ATP8A2: variants seen among roughly 807,000 people sequenced by gnomAD.
ATP8A2 encodes the protein ATPase phospholipid transporting 8A2, also known as phospholipid-transporting ATPase IB.
A neutral mutation model predicts 165.6 loss-of-function variants in ATP8A2; 100 were observed. That is an observed-to-expected ratio of 0.60 (90% CI 0.51 to 0.71). The LOEUF (loss-of-function observed/expected upper bound fraction) is 0.71, where lower values mean the gene tolerates loss of function less well. ATP8A2 is among the 30% of genes least tolerant of loss of function. The probability of loss-of-function intolerance (pLI) is 0.00; values close to 1 mark genes in which losing one functional copy is unlikely to be tolerated. For missense variants in ATP8A2, 1,227 were observed against 1,479.5 expected (o/e 0.83, Z 2.80); for synonymous variants, 543 against 548.8 (o/e 0.99, Z 0.15).
chr13:25,862,389 C>T lies in ATP8A2; in HGVS notation c.3164C>T (p.Ala1055Val). The T allele has an allele frequency of 6.2e-7, 1 of 1,613,702 alleles. No homozygotes were observed. The highest frequency in any genetic ancestry group is 8.5e-7 in the Non-Finnish European group (1 of 1,179,648). ...ACCATCTGGCCCACCATTCCCATTGCTCCAGATATGAGAGGACAGGTAAGT... is the reference window on the plus strand; with the variant it reads ...ACCATCTGGCCCACCATTCCCATTGTTCCAGATATGAGAGGACAGGTAAGT... ...YSTIWPTIPIAPDMRGQATMV... is the reference protein window; with the variant it reads ...YSTIWPTIPIVPDMRGQATMV... The change falls in exon 33 of 37, where the codon GCT becomes GTT. Residue 1055 changes from alanine (A) to valine (V), a missense_variant. Ala to Val is a moderately conservative substitution (Grantham distance 64). Coordinates refer to ENST00000381655, the MANE Select transcript of ATP8A2 (RefSeq NM_016529.6).
At chr13:25,398,224 A>G (rs150621243) in intron 1 of ATP8A2, among the ~76,000 whole-genome samples, 6 of 152,300 alleles carry the variant, frequency 3.9e-5, no homozygotes, top group African/African-American at 1.4e-4. Context: ...GATTACCTTT[A>G]GAGCCTGTTA....
In ATP8A2 at chr13:26,025,116, C is replaced by CAAAAAAAA. The variant is rs71080217; in HGVS notation, c.*5145_*5152dup. 1.8e-3 allele frequency: 166 copies of CAAAAAAAA among 94,322 alleles called. No homozygotes were observed. The highest frequency in any genetic ancestry group is 2.3e-3 in the African/African-American group (56 of 24,444). 5.8% of individuals were successfully genotyped at this position (94,322 alleles called of 1,614,324 possible). ...GTGAATCAATAAACACCAACAACAA[C>CAAAAAAAA]AAAAAAAAAAAAAAAAAAAAAGGAA... On this transcript the variant is annotated 3_prime_UTR_variant, in exon 37 of 37. Transcript: ENST00000381655.
chr13:25,978,477 C>T lies in ATP8A2; in HGVS notation c.3377+9798C>T, dbSNP rs528690351. 3.9e-5 allele frequency among the ~76,000 whole-genome samples: 6 copies of T among 152,262 alleles called. No individual in the cohort carries two copies. The South Asian group carries it at 1.2e-3, about 32-fold the overall frequency. On this transcript the variant is annotated intron_variant, in intron 35 of 36. Transcript: ENST00000381655. Reference sequence around the variant, plus strand: ...AATTTAGATGTTATCTGGGAATAACCGGATTCTACTGTTCATTTCTCAATG... The same window carrying T: ...AATTTAGATGTTATCTGGGAATAACTGGATTCTACTGTTCATTTCTCAATG...
intron 24 of ATP8A2, among the ~76,000 whole-genome samples, chr13:25,630,856 C>T (rs558434670): frequency 4.6e-5 from 7 of 152,166 alleles, no homozygotes; most frequent in African/African-American, 1.7e-4. Context: ...TCCTTAGGGT[C>T]CGCTTTCTCA....
intron 24 of ATP8A2, among the ~76,000 whole-genome samples, chr13:25,610,615 T>C (rs1329414944): frequency 6.6e-6 from 1 of 152,164 alleles, no homozygotes; most frequent in Non-Finnish European, 1.5e-5. Flanking sequence ...TTTGGTTCCA[T>C]GTGAATTTTA....
intron 24 of ATP8A2, among the ~76,000 whole-genome samples, chr13:25,662,553 A>G (rs1219225175): frequency 6.6e-6 from 1 of 152,148 alleles, no homozygotes; most frequent in Non-Finnish European, 1.5e-5. Context: ...TATATTCTTG[A>G]AATCATCCTG....
At chr13:25,651,439 C>CA (rs201232779) in intron 24 of ATP8A2, among the ~76,000 whole-genome samples, 111 of 140,912 alleles carry the variant, frequency 7.9e-4, no homozygotes, top group Middle Eastern at 3.7e-3. Context: ...GAGACTGTTT[C>CA]AAAAAAAAAA....
At chr13:25,715,302 G>T (rs994033610) in intron 25 of ATP8A2, among the ~76,000 whole-genome samples, 2 of 152,198 alleles carry the variant, frequency 1.3e-5, no homozygotes, top group Non-Finnish European at 2.9e-5. Context: ...GCAAAGGAAT[G>T]ATGTGGTCAG....
chr13:25,973,844 A>G (rs1418984902), intron 35 of ATP8A2, among the ~76,000 whole-genome samples: 1 of 152,208 alleles, frequency 6.6e-6, no homozygotes, highest in African/African-American at 2.4e-5. Context: ...GTTTTTTCAC[A>G]GTACTGGCCG....
At chr13:25,920,513 C>T (rs923018103) in intron 33 of ATP8A2, among the ~76,000 whole-genome samples, 8 of 152,168 alleles carry the variant, frequency 5.3e-5, no homozygotes, top group Non-Finnish European at 1.2e-4. Context: ...GCTCCACCAT[C>T]CACCAGCTCA....
At chr13:25,491,249 G>A (rs2036520219) in intron 2 of ATP8A2, among the ~76,000 whole-genome samples, 1 of 152,058 alleles carries the variant, frequency 6.6e-6, no homozygotes, top group Non-Finnish European at 1.5e-5. Flanking sequence ...TCTGTCTCCA[G>A]TGCCCACAAC....
At chr13:25,690,748 A>T (rs1173825483) in intron 24 of ATP8A2, among the ~76,000 whole-genome samples, 1 of 152,198 alleles carries the variant, frequency 6.6e-6, no homozygotes, top group South Asian at 2.1e-4. Context: ...TGACTCAGGC[A>T]CTTTGGAAAA....
At chr13:25,647,267 T>C (rs2041697629) in intron 24 of ATP8A2, among the ~76,000 whole-genome samples, 2 of 152,214 alleles carry the variant, frequency 1.3e-5, no homozygotes, top group African/African-American at 4.8e-5. Flanking sequence ...CCTTTAGCAA[T>C]TTCTGTAAAG....
intron 24 of ATP8A2, among the ~76,000 whole-genome samples, chr13:25,680,852 G>A (rs531841983): frequency 6.6e-6 from 1 of 152,272 alleles, no homozygotes. Context: ...GTTGTACTTG[G>A]TGTGGGCGCT....
In ATP8A2 at chr13:25,891,122, T is replaced by C. The variant is rs1953346575; in HGVS notation, c.3183+28714T>C. The stretch of plus-strand genomic sequence containing the variant: ...GTAAAGTTGAAAATGCAAGCTACAT[T>C]GTCCCCTAAGATTTACTTTTGTTTT... On this transcript the variant is annotated intron_variant, in intron 33 of 36. Transcript: ENST00000381655. Among the ~76,000 whole-genome samples, 3 of 152,334 alleles carry C rather than the reference T, an allele frequency of 2.0e-5. No homozygotes were observed. The South Asian group carries it at 6.2e-4, about 32-fold the overall frequency.
chr13:25,679,288 G>A (rs886887973), intron 24 of ATP8A2, among the ~76,000 whole-genome samples: 2 of 152,132 alleles, frequency 1.3e-5, no homozygotes, highest in Non-Finnish European at 2.9e-5. Context: ...ATAAAAAATG[G>A]TAACAGGACA....
chr13:25,402,498 G>T (rs997920166), intron 1 of ATP8A2, among the ~76,000 whole-genome samples: 4 of 152,190 alleles, frequency 2.6e-5, no homozygotes, highest in African/African-American at 2.4e-5. Flanking sequence ...TTCTGTGCTG[G>T]TGTGCCCTGG....
intron 1 of ATP8A2, among the ~76,000 whole-genome samples, chr13:25,381,216 T>G (rs1018494091): frequency 6.6e-6 from 1 of 152,198 alleles, no homozygotes; most frequent in Non-Finnish European, 1.5e-5. Context: ...CACAACAACC[T>G]TCTTGAAGAC....
intron 28 of ATP8A2, among the ~76,000 whole-genome samples, chr13:25,832,805 A>G (rs761921035): frequency 1.2e-4 from 18 of 152,244 alleles, no homozygotes; most frequent in South Asian, 4.1e-4. Context: ...GCCTGCCATC[A>G]CTATATAATT....
Sources: allele counts gnomAD v4.1 joint callset (sites outside exome capture counted in the v4.1 genomes callset), GRCh38; gene constraint gnomAD v4.1.1; transcripts MANE v1.5; gene names NCBI Gene and HGNC (gene_info 2026-07-23, HGNC 2026-07-21).